TLL2: variants seen among roughly 807,000 people sequenced by gnomAD.
TLL2 encodes tolloid-like protein 2.
A neutral mutation model predicts 123.0 loss-of-function variants in TLL2; 106 were observed. The observed-to-expected ratio is 0.86, with a 90% CI of 0.74 to 1.01. TLL2 has a LOEUF of 1.01. Among genes scored for constraint, TLL2 ranks in the 50% least tolerant of loss-of-function variants. The probability of loss-of-function intolerance (pLI) is 0.00; values close to 1 mark genes in which losing one functional copy is unlikely to be tolerated. For synonymous variants in TLL2, 494 were observed against 516.8 expected, an observed-to-expected ratio of 0.96 and a Z score of 0.60; for missense variants, 1,332 against 1,336.7, an observed-to-expected ratio of 1.00 and a Z score of 0.06.
intron 5 of TLL2, among the ~76,000 whole-genome samples, chr10:96,424,961 C>G (rs1250572238): frequency 6.7e-6 from 1 of 149,992 alleles, no homozygotes; most frequent in East Asian, 1.9e-4. Flanking sequence ...CATCTTTGAT[C>G]TAGCTAGAAT....
chr10:96,449,741 ACT>A (rs1846937098), intron 2 of TLL2, among the ~76,000 whole-genome samples: 1 of 151,520 alleles, frequency 6.6e-6, no homozygotes, highest in African/African-American at 2.4e-5. Context: ...CTCCACTGCC[ACT>A]CTGTGCTCAG....
At chr10:96,439,866 C>T (rs1354549073) in intron 3 of TLL2, among the ~76,000 whole-genome samples, 1 of 152,120 alleles carries the variant, frequency 6.6e-6, no homozygotes, top group Admixed American at 6.6e-5. Context: ...ACACTTTTGG[C>T]CCACACTATG....
intron 1 of TLL2, among the ~76,000 whole-genome samples, chr10:96,495,076 A>G (rs1242671300): frequency 1.3e-5 from 2 of 152,022 alleles, no homozygotes; most frequent in Non-Finnish European, 2.9e-5. Flanking sequence ...CTGTTTGTCC[A>G]CTCCAATAAC....
chr10:96,481,073 C>T (rs987828128), intron 1 of TLL2, among the ~76,000 whole-genome samples: 1 of 152,070 alleles, frequency 6.6e-6, no homozygotes, highest in African/African-American at 2.4e-5. Context: ...ATGTATAGCA[C>T]AGTGTGGCTT....
At position 96,384,666 on chromosome 10, in the gene TLL2, C is replaced by T. The variant is rs762506874; in HGVS notation, c.2115G>A (p.Ser705=). 5.6e-6 allele frequency: 9 copies of T among 1,612,798 alleles called. No homozygotes were observed. The Admixed American group carries it at 8.3e-5, about 15-fold the overall frequency. ...CGSETPEVIT[S]QSNNMRVEFK... is the part of the protein sequence containing the mutation. Reference sequence around the variant, plus strand: ...ACTCCACGCGCATGTTGTTGCTCTGCGAGGTGATGACCTCCGGCGTCTCAG... The same window carrying T: ...ACTCCACGCGCATGTTGTTGCTCTGTGAGGTGATGACCTCCGGCGTCTCAG... The change falls in exon 16 of 21, where the codon TCG becomes TCA. Residue 705 remains serine (S), a synonymous_variant. Coordinates refer to ENST00000357947, the MANE Select transcript of TLL2 (RefSeq NM_012465.4).
intron 2 of TLL2, among the ~76,000 whole-genome samples, chr10:96,450,584 CG>C (rs1846948218): frequency 6.6e-6 from 1 of 152,184 alleles, no homozygotes; most frequent in Admixed American, 6.5e-5. Flanking sequence ...TCACCAGGAA[CG>C]GAAGACATGG....
In TLL2 at chr10:96,405,287, G is replaced by A. The variant is rs1315804428; in HGVS notation, c.1212C>T (p.Cys404=). 3 of 1,614,134 alleles carry A rather than the reference G, an allele frequency of 1.9e-6. No homozygotes were observed. The highest frequency in any genetic ancestry group is 1.1e-5 in the South Asian group (1 of 91,064). The part of the protein sequence containing the change: ...TSMDLFKSRL[C]WYDYVEVRDG... The stretch of plus-strand genomic sequence containing the variant: ...CCCGGACCTCCACGTAATCATACCA[G>A]CACAGTCGGCTTTTAAACAAATCCA... The change falls in exon 10 of 21, where the codon TGC becomes TGT. Residue 404 remains cysteine, a synonymous_variant. Transcript: ENST00000357947.
In TLL2 at chr10:96,370,129, T is replaced by G; in HGVS notation, c.2849A>C (p.Tyr950Ser). The G allele has an allele frequency of 6.2e-7, 1 of 1,613,908 alleles. No homozygotes were observed. The highest frequency in any genetic ancestry group is 8.5e-7 in the Non-Finnish European group (1 of 1,179,924). ...GTCGTAGCCGTCGTAGGCTTCCATG[T>G]AGTCGTAGCCGCAGTCGGCCTCCTC... ...VEEEADCGYD[Y>S]MEAYDGYDSS... The change falls in exon 20 of 21, where the codon TAC becomes TCC. Residue 950 changes from tyrosine (Y) to serine (S), a missense_variant. By Grantham distance (144) the Tyr-to-Ser change is moderately radical. Coordinates refer to ENST00000357947, the MANE Select transcript of TLL2 (RefSeq NM_012465.4).
intron 4 of TLL2, 69 bp downstream of exon 4, chr10:96,432,738 G>A: frequency 6.4e-7 from 1 of 1,564,724 alleles, no homozygotes; most frequent in Non-Finnish European, 8.7e-7. Context: ...GTCCTTCCTA[G>A]AAGGACTCTC....
In TLL2 at chr10:96,410,510, T is replaced by C. The variant is rs747750039; in HGVS notation, c.1049-36A>G. 43 of 1,557,838 alleles carry C rather than the reference T, an allele frequency of 2.8e-5. No individual in the cohort carries two copies. The South Asian group carries it at 4.6e-4, about 17-fold the overall frequency. On this transcript the variant is annotated intron_variant, in intron 8 of 20. Transcript: ENST00000357947. ...AAAATCACAACTGTGATGTGGCATA[T>C]GCACCTCTCCCCGCCCAAGCAGCTC...
chr10:96,467,236 A>G (rs1019662798), intron 2 of TLL2, among the ~76,000 whole-genome samples: 3 of 152,154 alleles, frequency 2.0e-5, no homozygotes, highest in African/African-American at 7.2e-5. Flanking sequence ...TTTGTCACCC[A>G]GGCTGCAGAG....
Position 96,397,303 on chromosome 10 carries a change from CT to C in TLL2, c.1268-2del. ...GGGATCTTATCGCCACAAAACCTGC[CT>C]GGAAAGTGGAAAAAGAAGCAGTTAG... is the stretch of plus-strand genomic sequence containing the variant. On this transcript the variant is annotated splice_acceptor_variant, in intron 10 of 20. Transcript: ENST00000357947. LOFTEE classifies it high-confidence loss of function. 1 of 1,610,504 alleles carries C rather than the reference CT, an allele frequency of 6.2e-7. No homozygotes were observed. Among genetic ancestry groups the C allele is most frequent in the Non-Finnish European group, 8.5e-7 (1 of 1,178,016 alleles).
chr10:96,464,298 C>T (rs1847108969), intron 2 of TLL2, among the ~76,000 whole-genome samples: 1 of 152,056 alleles, frequency 6.6e-6, no homozygotes, highest in African/African-American at 2.4e-5. Flanking sequence ...GCAAGAGAAT[C>T]ACGTGATCCC....
intron 1 of TLL2, among the ~76,000 whole-genome samples, chr10:96,492,762 C>T (rs7099756): frequency 0.099 from 15,149 of 152,262 alleles, 818 homozygotes; most frequent in Non-Finnish European, 0.12. Context: ...ACAAATATCA[C>T]GGCTCTCCAA....
intron 2 of TLL2, among the ~76,000 whole-genome samples, chr10:96,462,022 G>A (rs769325393): frequency 6.6e-6 from 1 of 152,242 alleles, no homozygotes; most frequent in Non-Finnish European, 1.5e-5. Flanking sequence ...AATATGTCCA[G>A]GTGAAGTGGA....
intron 10 of TLL2, among the ~76,000 whole-genome samples, chr10:96,401,740 C>T (rs1478478544): frequency 1.3e-5 from 2 of 152,154 alleles, no homozygotes; most frequent in African/African-American, 2.4e-5. Flanking sequence ...TGCCTGTGCC[C>T]ATTCTCAGGA....
rs906516002 is a variant in TLL2, at chr10:96,512,653, T to G, written c.175+858A>C. ...CGAGCCTCTGAGCCCAGCATCTCCC[T>G]GGGAGCGTGAGCGTGAGCACCCCTC... On this transcript the variant is annotated intron_variant, in intron 1 of 20. Coordinates refer to ENST00000357947, the MANE Select transcript of TLL2 (RefSeq NM_012465.4). 3.3e-5 allele frequency among the ~76,000 whole-genome samples: 5 copies of G among 152,274 alleles called. No homozygotes were observed. The South Asian group carries it at 1.0e-3, about 32-fold the overall frequency.
chr10:96,415,270 G>A (rs531371409), intron 7 of TLL2, among the ~76,000 whole-genome samples: 25 of 152,286 alleles, frequency 1.6e-4, no homozygotes, highest in African/African-American at 6.0e-4. Flanking sequence ...ATATGCCCTT[G>A]CACATGCTAT....
At chr10:96,465,132 G>A (rs1038173696) in intron 2 of TLL2, among the ~76,000 whole-genome samples, 6 of 152,206 alleles carry the variant, frequency 3.9e-5, no homozygotes, top group Non-Finnish European at 7.3e-5. Flanking sequence ...AGAGTAGCAA[G>A]GAACTCCACC....
Sources: gnomAD v4.1 joint callset for allele counts (sites outside exome capture counted in the v4.1 genomes callset) on GRCh38, gnomAD v4.1.1 for gene constraint, MANE v1.5 for transcripts, NCBI Gene and HGNC (gene_info 2026-07-23, HGNC 2026-07-21) for gene names.